The following ZFPM2 variants were observed in gnomAD, a reference collection of about 807,000 sequenced individuals.
The protein encoded by ZFPM2 is zinc finger protein ZFPM2.
ZFPM2 carries 20 observed loss-of-function variants against 98.6 expected under a neutral mutation model. That is an observed-to-expected ratio of 0.20 (90% CI 0.14 to 0.29). The LOEUF (loss-of-function observed/expected upper bound fraction) is 0.29, where lower values mean the gene tolerates loss of function less well. ZFPM2 is among the 10% of genes least tolerant of loss of function. The pLI, the probability that ZFPM2 is intolerant of heterozygous loss-of-function variation, is 1.00. For missense variants in ZFPM2, 1,310 were observed against 1,388.6 expected (o/e 0.94, Z 0.90); for synonymous variants, 518 against 502.7 (o/e 1.03, Z -0.41).
intron 1 of ZFPM2, among the ~76,000 whole-genome samples, chr8:105,383,025 G>A (rs1373336811): frequency 6.6e-6 from 1 of 152,008 alleles, no homozygotes; most frequent in Admixed American, 6.6e-5. Context: ...GGTATTTGAT[G>A]GAAAGGGAAA....
intron 2 of ZFPM2, among the ~76,000 whole-genome samples, chr8:105,430,970 C>T (rs1812008123): frequency 6.7e-6 from 1 of 148,738 alleles, no homozygotes; most frequent in East Asian, 2.0e-4. Context: ...ATGGAGCGAT[C>T]TCGGCTCAGT....
chr8:105,446,469 C>G (rs1178389514), intron 3 of ZFPM2, among the ~76,000 whole-genome samples: 5 of 151,952 alleles, frequency 3.3e-5, no homozygotes, highest in Non-Finnish European at 7.4e-5. Flanking sequence ...ATGCTGTACA[C>G]CCAGTGCTAC....
intron 3 of ZFPM2, among the ~76,000 whole-genome samples, chr8:105,490,828 G>A (rs1196684559): frequency 1.1e-4 from 16 of 152,052 alleles, no homozygotes; most frequent in Admixed American, 7.2e-4. Context: ...ACAAAATACA[G>A]TACTTGCATG....
chr8:105,757,647 C>T (rs1273072592), intron 5 of ZFPM2, among the ~76,000 whole-genome samples: 4 of 152,010 alleles, frequency 2.6e-5, no homozygotes, highest in Middle Eastern at 3.2e-3. Context: ...TTAAATTTTC[C>T]ATATTCTTGA....
chr8:105,668,689 G>T (rs1817531344), intron 5 of ZFPM2, among the ~76,000 whole-genome samples: 1 of 152,116 alleles, frequency 6.6e-6, no homozygotes, highest in South Asian at 2.1e-4. Context: ...CTTTACTAAA[G>T]AATGAATCAT....
At chr8:105,726,704 C>T (rs973612879) in intron 5 of ZFPM2, among the ~76,000 whole-genome samples, 1 of 151,750 alleles carries the variant, frequency 6.6e-6, no homozygotes, top group African/African-American at 2.4e-5. Context: ...GCAGTAATAT[C>T]ACATCTTAAG....
intron 1 of ZFPM2, among the ~76,000 whole-genome samples, chr8:105,366,334 G>C (rs1810509710): frequency 6.6e-6 from 1 of 152,032 alleles, no homozygotes; most frequent in Admixed American, 6.6e-5. Flanking sequence ...AAGATTGCTT[G>C]ATATAGAGGA....
chr8:105,803,159 C>G lies in ZFPM2; in HGVS notation c.3077C>G (p.Ala1026Gly). Residue 1026 changes from alanine to glycine, a missense_variant, in exon 8 of 8, where the codon GCG becomes GGG. Physicochemically the swap from Ala to Gly is moderately conservative, Grantham distance 60 (BLOSUM62 0). Coordinates refer to ENST00000407775, the MANE Select transcript of ZFPM2 (RefSeq NM_012082.4). ...CAGGCTTCCTCAAATGGGTGTGCTG[C>G]GCTGAAGAAAGATTCTCTGCCATTG... ...KGQASSNGCA[A>G]LKKDSLPLLP... 3 of 1,613,846 alleles carry G rather than the reference C, an allele frequency of 1.9e-6. No individual in the cohort carries two copies. The highest frequency in any genetic ancestry group is 1.7e-6 in the Non-Finnish European group (2 of 1,179,830).
chr8:105,469,092 AT>A (rs555720706), intron 3 of ZFPM2, among the ~76,000 whole-genome samples: 79 of 152,262 alleles, frequency 5.2e-4, no homozygotes, highest in African/African-American at 1.7e-3. Flanking sequence ...ATCTAGAAAC[AT>A]TGTAGCTTAG....
intron 3 of ZFPM2, among the ~76,000 whole-genome samples, chr8:105,547,458 C>T (rs925299705): frequency 3.1e-4 from 44 of 140,506 alleles, no homozygotes; most frequent in African/African-American, 8.5e-4. Context: ...AAGAGAATTG[C>T]TTGAACCCGG....
Position 105,663,489 on chromosome 8 carries a change from A to G in ZFPM2, c.532+29132A>G, listed in dbSNP as rs193243697. On this transcript the variant is annotated intron_variant, in intron 5 of 7. Transcript: ENST00000407775. ...TCCACATCCTGCATGTAAAGTAGTGACAGAAACATGAACATTTCTGCTCTT... is the reference window on the plus strand; with the variant it reads ...TCCACATCCTGCATGTAAAGTAGTGGCAGAAACATGAACATTTCTGCTCTT... Among the ~76,000 whole-genome samples, 455 of 152,326 alleles carry G rather than the reference A, an allele frequency of 3.0e-3. 1 individual carries two copies. Among genetic ancestry groups the G allele is most frequent in the Middle Eastern group, 6.8e-3 (2 of 294 alleles).
rs115285476 is a variant in ZFPM2 at position 105,341,560 on chromosome 8, T to C, written c.40+22579T>C. 3.0e-3 allele frequency among the ~76,000 whole-genome samples: 457 copies of C among 152,098 alleles called. 1 individual carries two copies. The highest frequency in any genetic ancestry group is 0.01 in the African/African-American group (433 of 41,548). On this transcript the variant is annotated intron_variant, in intron 1 of 7. Transcript: ENST00000407775. Reference sequence around the variant, plus strand: ...TAACAATATAACATTATTGTTGATATATGCAATATTAACACAGTTGATATA... The same window carrying C: ...TAACAATATAACATTATTGTTGATACATGCAATATTAACACAGTTGATATA...
At position 105,780,218 on chromosome 8, in the gene ZFPM2, T is replaced by C. The variant is rs541552028; in HGVS notation, c.533-8500T>C. On this transcript the variant is annotated intron_variant, in intron 5 of 7. Coordinates refer to ENST00000407775, the MANE Select transcript of ZFPM2 (RefSeq NM_012082.4). ...GACAGACAAAGAGAGAATCCTAAAA[T>C]AACCTTTCCATTTGGTGGAAGCGAG... 1.3e-5 allele frequency: 2 copies of C among 152,306 alleles called. 1 individual carries two copies. Among genetic ancestry groups the C allele is most frequent in the African/African-American group, 4.8e-5 (2 of 41,572 alleles). The allele number at this position is 152,306 out of a possible 1,614,324, so 9.4% of individuals were successfully genotyped here. A position where few individuals can be genotyped will look rare whatever the true frequency, so the allele number is the denominator to read the frequency against.
chr8:105,747,429 A>C (rs1210628144), intron 5 of ZFPM2, among the ~76,000 whole-genome samples: 1 of 152,040 alleles, frequency 6.6e-6, no homozygotes, highest in African/African-American at 2.4e-5. Context: ...AGCCACATGT[A>C]ATGTTCTCTG....
Position 105,801,925 on chromosome 8 carries a change from G to A in ZFPM2, c.1843G>A (p.Asp615Asn). 1.9e-6 allele frequency: 3 copies of A among 1,613,882 alleles called. No individual in the cohort carries two copies. The highest frequency in any genetic ancestry group is 2.5e-6 in the Non-Finnish European group (3 of 1,179,866). Residue 615 changes from aspartate to asparagine, a missense_variant, in exon 8 of 8, where the codon GAT (aspartate) becomes AAT (asparagine). Asp to Asn is a conservative substitution (Grantham distance 23). Coordinates refer to ENST00000407775, the MANE Select transcript of ZFPM2 (RefSeq NM_012082.4). Reference protein sequence around the residue: ...NLLNPAAHSADPENPLLQTSC... With the variant: ...NLLNPAAHSANPENPLLQTSC... ...TCTCAACCCAGCTGCTCATTCTGCT[G>A]ATCCTGAGAATCCACTTCTTCAAAC...
At chr8:105,719,095 T>C (rs1270185425) in intron 5 of ZFPM2, among the ~76,000 whole-genome samples, 1 of 151,918 alleles carries the variant, frequency 6.6e-6, no homozygotes, top group East Asian at 1.9e-4. Context: ...CGTTCTAGTT[T>C]TTTCTTTTAA....
At chr8:105,732,990 A>C (rs1811977824) in intron 5 of ZFPM2, among the ~76,000 whole-genome samples, 1 of 151,926 alleles carries the variant, frequency 6.6e-6, no homozygotes, top group South Asian at 2.1e-4. Context: ...TAAAGATGTA[A>C]GCATATAGAA....
chr8:105,565,819 G>T (rs1284996144), intron 4 of ZFPM2, among the ~76,000 whole-genome samples: 1 of 152,116 alleles, frequency 6.6e-6, no homozygotes, highest in African/African-American at 2.4e-5. Context: ...ATTTTTACAT[G>T]CCTAAATTTG....
intron 2 of ZFPM2, among the ~76,000 whole-genome samples, chr8:105,443,557 C>G (rs994033615): frequency 7.2e-5 from 11 of 151,966 alleles, no homozygotes; most frequent in African/African-American, 2.7e-4. Context: ...ATTAATTAGA[C>G]TTTTTGCTTT....
Sources: gnomAD v4.1 joint callset for allele counts (sites outside exome capture counted in the v4.1 genomes callset) on GRCh38, gnomAD v4.1.1 for gene constraint, MANE v1.5 for transcripts, NCBI Gene and HGNC (gene_info 2026-07-23, HGNC 2026-07-21) for gene names.